Variants in SHLD2 observed in about 807,000 individuals in gnomAD.
The protein encoded by SHLD2 is shieldin complex subunit 2.
Under a neutral mutation model 73.2 loss-of-function variants are expected in SHLD2, and 30 were observed. That is an observed-to-expected ratio of 0.41 (90% confidence interval 0.31 to 0.56). The LOEUF (loss-of-function observed/expected upper bound fraction) is 0.56, where lower values mean the gene tolerates loss of function less well. Ranked by LOEUF, SHLD2 falls within the 20% of genes least tolerant of loss-of-function variation. The pLI, the probability that SHLD2 is intolerant of heterozygous loss-of-function variation, is 0.28. For missense variants in SHLD2, 745 were observed against 1,055.9 expected (o/e 0.71, Z 4.08); for synonymous variants, 285 against 370.1 (o/e 0.77, Z 2.64).
chr10:87,163,055 C>T (rs556857792), intron 4 of SHLD2, among the ~76,000 whole-genome samples: 93 of 151,934 alleles, frequency 6.1e-4, no homozygotes, highest in African/African-American at 1.7e-3. Flanking sequence ...TTTATAATTG[C>T]AAAATATATA....
chr10:87,135,660 A>ATT (rs71276300), intron 2 of SHLD2, among the ~76,000 whole-genome samples: 2 of 133,562 alleles, frequency 1.5e-5, no homozygotes, highest in African/African-American at 2.8e-5. Context: ...CACCTGGCTA[A>ATT]TTTTTTTTTT....
intron 2 of SHLD2, among the ~76,000 whole-genome samples, chr10:87,117,858 A>C (rs1344148433): frequency 6.6e-6 from 1 of 152,184 alleles, no homozygotes; most frequent in Non-Finnish European, 1.5e-5. Context: ...ATTGTTTCGA[A>C]GAGTTTTGTT....
intron 8 of SHLD2, among the ~76,000 whole-genome samples, chr10:87,186,218 G>A (rs1045210541): frequency 2.6e-5 from 4 of 152,130 alleles, no homozygotes; most frequent in African/African-American, 9.7e-5. Context: ...TGAATAAAGG[G>A]GGAAGTGGGT....
chr10:87,158,921 T>G (rs560885254), intron 4 of SHLD2, among the ~76,000 whole-genome samples: 3 of 152,212 alleles, frequency 2.0e-5, no homozygotes, highest in East Asian at 3.9e-4. Flanking sequence ...GAAATGGAGA[T>G]AAAAATACAT....
upstream of SHLD2, chr10:87,094,848 G>C: frequency 8.6e-7 from 1 of 1,161,506 alleles, no homozygotes; most frequent in Non-Finnish European, 1.2e-6. This position sits in a 1 kb window ranked among gnomAD's most constrained non-coding sequence, Gnocchi z 6.6. Flanking sequence ...AGGGAGGAAG[G>C]GTCCCGCGCG....
At chr10:87,098,328 A>T (rs1006393061) in intron 2 of SHLD2, among the ~76,000 whole-genome samples, 2 of 151,924 alleles carry the variant, frequency 1.3e-5, no homozygotes, top group African/African-American at 4.8e-5. Flanking sequence ...AGCCTGACCA[A>T]CATGGAGAAA....
chr10:87,138,612 A>G (rs1399967575), intron 2 of SHLD2, among the ~76,000 whole-genome samples: 1 of 152,232 alleles, frequency 6.6e-6, no homozygotes, highest in Admixed American at 6.5e-5. Context: ...ATACTGTCAT[A>G]TATTTCTTAC....
At position 87,190,310 on chromosome 10, in the gene SHLD2, C is replaced by T. The variant is rs530220740; in HGVS notation, c.2516-174C>T. Among the ~76,000 whole-genome samples the T allele has an allele frequency of 3.9e-5, 6 of 152,334 alleles. 1 individual carries two copies. In the South Asian group the frequency reaches 1.2e-3, roughly 32 times the overall value. On this transcript the variant is annotated intron_variant, in intron 9 of 9. Transcript: ENST00000298786. ...CTGACCTCAAGTAATCCGGCTGCCT[C>T]CGTCTCCCAGAGTGCTGGGATTACA...
intron 6 of SHLD2, among the ~76,000 whole-genome samples, chr10:87,174,582 A>G (rs868123686): frequency 3.9e-5 from 6 of 152,024 alleles, no homozygotes; most frequent in Admixed American, 2.6e-4. Context: ...AAAAAAAAAA[A>G]AAATCTCTAG....
At chr10:87,182,633 A>AT (rs1443231861) in intron 8 of SHLD2, among the ~76,000 whole-genome samples, 3 of 152,164 alleles carry the variant, frequency 2.0e-5, no homozygotes, top group Non-Finnish European at 4.4e-5. Flanking sequence ...AAATACATTT[A>AT]TTTTTCTGTA....
chr10:87,190,228 T>G (rs1416468766), intron 9 of SHLD2, among the ~76,000 whole-genome samples: 3 of 152,100 alleles, frequency 2.0e-5, no homozygotes, highest in South Asian at 4.1e-4. Flanking sequence ...CCGGCTAATT[T>G]TTGTATTTTT....
intron 4 of SHLD2, among the ~76,000 whole-genome samples, chr10:87,167,377 A>T (rs527560544): frequency 4.6e-5 from 7 of 152,330 alleles, no homozygotes; most frequent in African/African-American, 1.7e-4. Context: ...AGTATATTCT[A>T]AAGTTTTTTA....
At chr10:87,183,863 A>G (rs1848457293) in intron 8 of SHLD2, among the ~76,000 whole-genome samples, 1 of 151,936 alleles carries the variant, frequency 6.6e-6, no homozygotes, top group African/African-American at 2.4e-5. Context: ...AGCCTCTTCT[A>G]CCCCCTCTTT....
rs542875347 is a variant in SHLD2 at position 87,117,688 on chromosome 10, G to A, written c.-6+20699G>A. Among the ~76,000 whole-genome samples the A allele has an allele frequency of 5.7e-3, 867 of 152,170 alleles. 6 individuals are homozygous for A. Among genetic ancestry groups the A allele is most frequent in the African/African-American group, 0.019 (770 of 41,522 alleles). On this transcript the variant is annotated intron_variant, in intron 2 of 9. Coordinates refer to ENST00000298786, the MANE Select transcript of SHLD2 (RefSeq NM_001330112.2). ...CATGCACCTGTAGTCCCAGCTACTT[G>A]AGAGGCTGAGGTGGGAGGATCTCTT... is the stretch of plus-strand genomic sequence containing the variant.
intron 2 of SHLD2, among the ~76,000 whole-genome samples, chr10:87,149,441 C>T (rs1035642702): frequency 4.0e-5 from 6 of 151,834 alleles, no homozygotes; most frequent in Non-Finnish European, 8.8e-5. Context: ...GAGAGGGTCT[C>T]GCCAGGCACG....
At chr10:87,149,019 C>A in intron 2 of SHLD2, among the ~76,000 whole-genome samples, 1 of 151,554 alleles carries the variant, frequency 6.6e-6, no homozygotes, top group East Asian at 2.0e-4. Context: ...TCCCTAGTAG[C>A]TGAGACTACA....
intron 7 of SHLD2, among the ~76,000 whole-genome samples, chr10:87,177,406 A>G (rs985621311): frequency 2.6e-5 from 4 of 151,992 alleles, no homozygotes; most frequent in African/African-American, 9.7e-5. Flanking sequence ...GGACGCAGCC[A>G]GGAATTGTGC....
intron 4 of SHLD2, among the ~76,000 whole-genome samples, chr10:87,168,354 T>C (rs1847349660): frequency 6.6e-6 from 1 of 152,130 alleles, no homozygotes. Context: ...TCCCACACTT[T>C]GACAGGCTGA....
intron 1 of SHLD2, among the ~76,000 whole-genome samples, chr10:87,096,000 T>C (rs1841839382): frequency 6.6e-6 from 1 of 152,242 alleles, no homozygotes; most frequent in Non-Finnish European, 1.5e-5. Flanking sequence ...TTCTCAGGAA[T>C]ATATGTATTT....
Sources: allele counts gnomAD v4.1 joint callset (sites outside exome capture counted in the v4.1 genomes callset), GRCh38; gene constraint gnomAD v4.1.1; non-coding constraint Gnocchi (gnomAD v3.1); transcripts MANE v1.5; gene names NCBI Gene and HGNC (gene_info 2026-07-23, HGNC 2026-07-21).